PRSS23: variants seen among roughly 807,000 people sequenced by gnomAD.
The protein encoded by PRSS23 is serine protease 23, also known as protease, serine 23.
Under a neutral mutation model 34.7 loss-of-function variants are expected in PRSS23, and 25 were observed. That is an observed-to-expected ratio of 0.72 (90% CI 0.53 to 1.01). The LOEUF (loss-of-function observed/expected upper bound fraction) is 1.01. Ranked by LOEUF, PRSS23 falls within the 50% of genes least tolerant of loss-of-function variation. The probability of loss-of-function intolerance (pLI) is 0.00; values close to 1 mark genes in which losing one functional copy is unlikely to be tolerated. For missense variants in PRSS23, 445 were observed against 475.6 expected (o/e 0.94, Z 0.60); for synonymous variants, 176 against 186.6 (o/e 0.94, Z 0.46).
chr11:86,859,253 T>C (rs2134930834), intron 2 of PRSS23, among the ~76,000 whole-genome samples: 1 of 125,816 alleles, frequency 7.9e-6, no homozygotes, highest in Non-Finnish European at 1.7e-5. Flanking sequence ...CTTCTTGTGA[T>C]TTAGTTCAGG....
At chr11:86,879,227 GC>G in intron 2 of PRSS23, among the ~76,000 whole-genome samples, 1 of 143,392 alleles carries the variant, frequency 7.0e-6, no homozygotes, top group Non-Finnish European at 1.5e-5. Flanking sequence ...GAGCGCCTCT[GC>G]CCCGCCGCCC....
chr11:86,944,798 C>G (rs986768476), intron 2 of PRSS23, among the ~76,000 whole-genome samples: 2 of 152,164 alleles, frequency 1.3e-5, no homozygotes, highest in African/African-American at 4.8e-5. Context: ...TACATACCTG[C>G]CTTCATTTAG....
intron 2 of PRSS23, among the ~76,000 whole-genome samples, chr11:86,841,479 A>G (rs1313251770): frequency 1.3e-5 from 2 of 152,120 alleles, no homozygotes; most frequent in Non-Finnish European, 2.9e-5. Flanking sequence ...AAACACTTCA[A>G]AAAAATCAAT....
At chr11:86,852,745 C>G (rs573447840) in intron 2 of PRSS23, among the ~76,000 whole-genome samples, 2 of 152,248 alleles carry the variant, frequency 1.3e-5, no homozygotes, top group African/African-American at 4.8e-5. Flanking sequence ...ACCAAACTCT[C>G]CATTCCTCTC....
At chr11:86,877,156 AT>A (rs1948730362) in intron 2 of PRSS23, among the ~76,000 whole-genome samples, 1 of 152,192 alleles carries the variant, frequency 6.6e-6, no homozygotes, top group African/African-American at 2.4e-5. Context: ...TTATGGCTTT[AT>A]CCATTGTACC....
upstream of PRSS23, among the ~76,000 whole-genome samples, chr11:86,798,054 G>A (rs1178515595): frequency 6.6e-6 from 1 of 152,106 alleles, no homozygotes. Flanking sequence ...TATATTTGTT[G>A]GATTGAAGTG....
intron 2 of PRSS23, among the ~76,000 whole-genome samples, chr11:86,879,440 C>T (rs978065574): frequency 4.3e-4 from 65 of 150,186 alleles, no homozygotes; most frequent in Admixed American, 1.3e-3. Context: ...CCACCCCATC[C>T]GGGAGGGAGG....
At chr11:86,796,708 A>G (rs1231235493), upstream of PRSS23, among the ~76,000 whole-genome samples, 1 of 151,480 alleles carries the variant, frequency 6.6e-6, no homozygotes, top group Non-Finnish European at 1.5e-5. Context: ...GGCATATAGT[A>G]TGCATTCACT....
chr11:86,827,390 CTTT>C (rs1385181409), intron 2 of PRSS23, among the ~76,000 whole-genome samples: 1 of 152,042 alleles, frequency 6.6e-6, no homozygotes, highest in Admixed American at 6.5e-5. Context: ...CTCTTTTCTT[CTTT>C]ATTAGTCTTG....
intron 2 of PRSS23, among the ~76,000 whole-genome samples, chr11:86,897,455 T>G (rs910523569): frequency 3.9e-5 from 6 of 152,146 alleles, no homozygotes; most frequent in Non-Finnish European, 7.3e-5. Flanking sequence ...CAACTCAGTT[T>G]ATAGTAACTC....
chr11:86,887,999 C>G (rs1202695104), intron 2 of PRSS23, among the ~76,000 whole-genome samples: 1 of 151,380 alleles, frequency 6.6e-6, no homozygotes, highest in Non-Finnish European at 1.5e-5. Flanking sequence ...TTACAGTGCA[C>G]CAAGATTGCG....
At chr11:86,908,161 G>C (rs1948955856) in intron 2 of PRSS23, among the ~76,000 whole-genome samples, 1 of 152,134 alleles carries the variant, frequency 6.6e-6, no homozygotes, top group Non-Finnish European at 1.5e-5. Flanking sequence ...GAATAATGCT[G>C]CAATGAACAT....
intron 2 of PRSS23, among the ~76,000 whole-genome samples, chr11:86,830,940 C>T (rs1222384812): frequency 6.6e-6 from 1 of 152,036 alleles, no homozygotes; most frequent in East Asian, 1.9e-4. Flanking sequence ...AGGGGGTTTA[C>T]AAACTGTGAT....
intron 2 of PRSS23, among the ~76,000 whole-genome samples, chr11:86,842,611 G>C (rs2845684): frequency 0.42 from 63,250 of 152,022 alleles, 13,448 homozygotes; most frequent in East Asian, 0.48. Context: ...GTGCAAAAAT[G>C]ACAAGCATTC....
chr11:86,831,246 G>T (rs149295904), intron 2 of PRSS23, among the ~76,000 whole-genome samples: 6 of 152,004 alleles, frequency 3.9e-5, no homozygotes, highest in Middle Eastern at 3.4e-3. Flanking sequence ...ATGTCATAGC[G>T]GGTTTACACC....
In PRSS23 at chr11:86,842,910, G is replaced by T. The variant is rs190706323; in HGVS notation, c.206+19317G>T. ...AGCACTAATTTTCTTCACAGAATTG[G>T]AAAAAACTACTTTAAATTTCATATG... On this transcript the variant is annotated intron_variant, in intron 2 of 2. Coordinates refer to the PRSS23 transcript ENST00000533902. Among the ~76,000 whole-genome samples, 199 of 152,196 alleles carry T rather than the reference G, an allele frequency of 1.3e-3. 2 individuals carry two copies. The highest frequency in any genetic ancestry group is 3.2e-4 in the Non-Finnish European group (22 of 68,010).
At chr11:86,842,842 C>T (rs184318521) in intron 2 of PRSS23, among the ~76,000 whole-genome samples, 2 of 152,324 alleles carry the variant, frequency 1.3e-5, no homozygotes, top group Admixed American at 6.5e-5. Flanking sequence ...AATGGCCATA[C>T]TGCCCAAGGT....
intron 2 of PRSS23, among the ~76,000 whole-genome samples, chr11:86,852,314 T>C (rs1948536357): frequency 6.6e-6 from 1 of 152,216 alleles, no homozygotes; most frequent in Non-Finnish European, 1.5e-5. Flanking sequence ...TACTATTCTA[T>C]GGCCTGTGGG....
At chr11:86,896,641 C>G (rs1480784346) in intron 2 of PRSS23, 2 of 152,222 alleles carry the variant, frequency 1.3e-5, no homozygotes, top group Admixed American at 1.3e-4. Flanking sequence ...CCAGACAAAG[C>G]TATGTTTTTC....
Sources: gnomAD v4.1 joint callset for allele counts (sites outside exome capture counted in the v4.1 genomes callset) on GRCh38, gnomAD v4.1.1 for gene constraint, MANE v1.5 for transcripts, NCBI Gene and HGNC (gene_info 2026-07-23, HGNC 2026-07-21) for gene names.